MAP4: variants seen among roughly 807,000 people sequenced by gnomAD.
MAP4 encodes the protein microtubule associated protein 4.
A neutral mutation model predicts 170.2 loss-of-function variants in MAP4; 76 were observed. The observed-to-expected ratio is 0.45, with a 90% confidence interval of 0.37 to 0.54. MAP4 has a LOEUF of 0.54. Among genes scored for constraint, MAP4 ranks in the 20% least tolerant of loss-of-function variants. The pLI, the probability that MAP4 is intolerant of heterozygous loss-of-function variation, is 0.00. For synonymous variants in MAP4, 909 were observed against 994.5 expected, an observed-to-expected ratio of 0.91 and a Z score of 1.62; for missense variants, 2,506 against 2,748.0, an observed-to-expected ratio of 0.91 and a Z score of 1.97.
chr3:47,934,765 C>T (rs2153903483), intron 3 of MAP4, among the ~76,000 whole-genome samples: 1 of 152,316 alleles, frequency 6.6e-6, no homozygotes, highest in South Asian at 2.1e-4. Context: ...TAGAGGATCA[C>T]CTAATCCAAA....
intron 3 of MAP4, 83 bp from the exon 4 acceptor site, chr3:47,928,433 A>T: frequency 7.5e-7 from 1 of 1,340,430 alleles, no homozygotes; most frequent in Non-Finnish European, 1.0e-6. Flanking sequence ...AAAGTATTAC[A>T]GCTAGTACAA....
chr3:47,980,330 T>A (rs2100084749), intron 2 of MAP4, among the ~76,000 whole-genome samples: 1 of 152,214 alleles, frequency 6.6e-6, no homozygotes, highest in Non-Finnish European at 1.5e-5. Context: ...GCAACCAGCC[T>A]AGCTCTGCAG....
At chr3:47,989,605 G>A (rs1388849134) in intron 2 of MAP4, among the ~76,000 whole-genome samples, 3 of 152,204 alleles carry the variant, frequency 2.0e-5, no homozygotes, top group African/African-American at 7.2e-5. Context: ...AGGAAGAAGA[G>A]AAGCTGGATT....
intron 4 of MAP4, among the ~76,000 whole-genome samples, chr3:47,924,871 C>T (rs909716744): frequency 4.8e-4 from 73 of 151,726 alleles, no homozygotes; most frequent in African/African-American, 1.8e-3. Flanking sequence ...AGTGCAGTGG[C>T]GTGATCTCAG....
chr3:48,021,228 A>C (rs765573991), upstream of MAP4, among the ~76,000 whole-genome samples: 11 of 152,190 alleles, frequency 7.2e-5, no homozygotes, highest in Non-Finnish European at 1.6e-4. Context: ...GGATTTTTGT[A>C]CAAGTGATTT....
intron 4 of MAP4, among the ~76,000 whole-genome samples, chr3:47,927,792 A>G (rs1411346154): frequency 2.0e-5 from 3 of 152,138 alleles, no homozygotes; most frequent in Admixed American, 2.0e-4. Context: ...AATTTTATAG[A>G]AAGTGGGTAT....
At chr3:48,084,825 T>C (rs775465361) in intron 1 of MAP4, among the ~76,000 whole-genome samples, 1 of 151,522 alleles carries the variant, frequency 6.6e-6, no homozygotes, top group Non-Finnish European at 1.5e-5. Context: ...TTTTTTTTAA[T>C]GGAGACAGGG....
intron 11 of MAP4, 130 bp downstream of exon 11, chr3:47,877,287 G>A: frequency 1.4e-6 from 1 of 692,890 alleles, no homozygotes; most frequent in Non-Finnish European, 2.5e-6. Context: ...TTCTAAGCAT[G>A]TCCAAACATG....
At chr3:47,958,648 C>G (rs2154151632) in intron 3 of MAP4, among the ~76,000 whole-genome samples, 1 of 150,738 alleles carries the variant, frequency 6.6e-6, no homozygotes, top group Non-Finnish European at 1.5e-5. Context: ...TCCTGAGTAG[C>G]TGGGATTCCA....
At chr3:47,953,047 A>G (rs559225222) in intron 3 of MAP4, among the ~76,000 whole-genome samples, 1 of 151,718 alleles carries the variant, frequency 6.6e-6, no homozygotes, top group South Asian at 2.1e-4. Flanking sequence ...AAACAGGTCA[A>G]TTAGTTCCTT....
intron 2 of MAP4, among the ~76,000 whole-genome samples, chr3:47,987,091 T>C (rs143992953): frequency 4.3e-4 from 66 of 152,184 alleles, no homozygotes; most frequent in African/African-American, 1.5e-3. Context: ...TCACAAACCA[T>C]GAGATTCTTC....
In MAP4 at chr3:47,998,690, G is replaced by A. The variant is rs144113304; in HGVS notation, c.171C>T (p.Thr57=). 5.1e-5 allele frequency: 83 copies of A among 1,613,966 alleles called. 1 individual carries two copies. The highest frequency in any genetic ancestry group is 4.5e-4 in the African/African-American group (34 of 74,896). The part of the protein sequence containing the change: ...YIPLLDVDEK[T]GNSESKKKPC... ...GTTTCTTCTTTGACTCTGAGTTCCC[G>A]GTTTTCTCATCAACATCCAGGAGAG... is the stretch of plus-strand genomic sequence containing the variant. Residue 57 remains threonine, a synonymous_variant, in exon 2 of 21, where the codon ACC becomes ACT. Transcript: ENST00000683076.
chr3:47,977,447 T>C (rs902552372), intron 3 of MAP4, among the ~76,000 whole-genome samples: 4 of 152,170 alleles, frequency 2.6e-5, no homozygotes, highest in Non-Finnish European at 4.4e-5. Flanking sequence ...GCAAAATAAA[T>C]AACTCCTAAT....
Position 47,871,289 on chromosome 3 carries a change from G to T in MAP4, c.5942-3C>A. ...AGGTTTTCCCTCAGTCTTAATGGCT[G>T]TACAAAATATACTTATTAATATAAC... On this transcript the variant is annotated splice_region_variant and splice_polypyrimidine_tract_variant and intron_variant, in intron 13 of 20. Transcript: ENST00000683076. The T allele has an allele frequency of 1.2e-6, 2 of 1,610,066 alleles. No homozygotes were observed. The highest frequency in any genetic ancestry group is 1.7e-6 in the Non-Finnish European group (2 of 1,176,322).
intron 1 of MAP4, among the ~76,000 whole-genome samples, chr3:48,068,793 C>T (rs1319059635): frequency 2.0e-5 from 3 of 152,152 alleles, no homozygotes; most frequent in Admixed American, 6.6e-5. Context: ...GAAGCTGGGA[C>T]TATGGGTACA....
At chr3:47,924,531 G>A (rs2100044722) in intron 4 of MAP4, among the ~76,000 whole-genome samples, 1 of 151,980 alleles carries the variant, frequency 6.6e-6, no homozygotes, top group African/African-American at 2.4e-5. Flanking sequence ...ACACACCACA[G>A]CCAACCCATC....
At chr3:47,967,384 G>T (rs1053886907) in intron 3 of MAP4, among the ~76,000 whole-genome samples, 2 of 152,128 alleles carry the variant, frequency 1.3e-5, no homozygotes, top group African/African-American at 4.8e-5. Context: ...TGGGTGCAGT[G>T]GCTTACGCCT....
At chr3:47,951,731 C>T (rs936424825) in intron 3 of MAP4, among the ~76,000 whole-genome samples, 2 of 152,336 alleles carry the variant, frequency 1.3e-5, no homozygotes, top group Admixed American at 1.3e-4. Context: ...CTGCCTTGGC[C>T]TCCCAAAGTG....
chr3:48,011,211 C>A (rs2100105061), intron 1 of MAP4, among the ~76,000 whole-genome samples: 1 of 152,060 alleles, frequency 6.6e-6, no homozygotes, highest in South Asian at 2.1e-4. Context: ...TCTGAAGGAA[C>A]CATAAATAGG....
Sources: gnomAD v4.1 joint callset for allele counts (sites outside exome capture counted in the v4.1 genomes callset) on GRCh38, gnomAD v4.1.1 for gene constraint, MANE v1.5 for transcripts, NCBI Gene and HGNC (gene_info 2026-07-23, HGNC 2026-07-21) for gene names.